Variants in SEMA5A observed in about 807,000 individuals in gnomAD.
SEMA5A encodes the protein semaphorin 5A.
Under a neutral mutation model 135.5 loss-of-function variants are expected in SEMA5A, and 55 were observed. The observed-to-expected ratio is 0.41, with a 90% CI of 0.33 to 0.51. The LOEUF (loss-of-function observed/expected upper bound fraction) is 0.51, where lower values mean the gene tolerates loss of function less well. SEMA5A is among the 20% of genes least tolerant of loss of function. SEMA5A has a pLI of 0.37. For synonymous variants in SEMA5A, 580 were observed against 546.5 expected (o/e 1.06, Z -0.85); for missense variants, 1,290 against 1,419.9 (o/e 0.91, Z 1.47).
intron 1 of SEMA5A, among the ~76,000 whole-genome samples, chr5:9,459,306 A>G (rs890004149): frequency 1.3e-5 from 2 of 152,234 alleles, no homozygotes; most frequent in African/African-American, 4.8e-5. Flanking sequence ...AATAGAACAC[A>G]GCAAAGATAA....
intron 13 of SEMA5A, among the ~76,000 whole-genome samples, chr5:9,131,098 A>AT (rs1214861466): frequency 6.6e-6 from 1 of 152,190 alleles, no homozygotes; most frequent in African/African-American, 2.4e-5. Flanking sequence ...TACATGATGT[A>AT]TAGCTCATTT....
rs2150015096 is a variant in SEMA5A, at chr5:9,039,462, G to A, written c.*3435C>T. 6.6e-6 allele frequency: 1 copy of A among 152,332 alleles called. No homozygotes were observed. Among genetic ancestry groups the A allele is most frequent in the African/African-American group, 2.4e-5 (1 of 41,576 alleles). 9.4% of individuals were successfully genotyped at this position (152,332 alleles called of 1,614,324 possible). A position where few individuals can be genotyped will look rare whatever the true frequency, so the allele number is the denominator to read the frequency against. ...AGGGATGCCCTCACCCTCATTCAATGTTTATCGTCTCTTTTCAATTCCTTT... is the reference window on the plus strand; with the variant it reads ...AGGGATGCCCTCACCCTCATTCAATATTTATCGTCTCTTTTCAATTCCTTT... On this transcript the variant is annotated 3_prime_UTR_variant, in exon 23 of 23. Coordinates refer to ENST00000382496, the MANE Select transcript of SEMA5A (RefSeq NM_003966.3).
At chr5:9,469,455 C>A (rs1046332889) in intron 1 of SEMA5A, among the ~76,000 whole-genome samples, 1 of 152,196 alleles carries the variant, frequency 6.6e-6, no homozygotes, top group Non-Finnish European at 1.5e-5. Context: ...TCCAAAATAG[C>A]CACCACCTTC....
At chr5:9,494,458 G>C (rs1735198769) in intron 1 of SEMA5A, among the ~76,000 whole-genome samples, 1 of 152,100 alleles carries the variant, frequency 6.6e-6, no homozygotes, top group Non-Finnish European at 1.5e-5. Flanking sequence ...GACACATATT[G>C]ATAATTATCG....
intron 11 of SEMA5A, among the ~76,000 whole-genome samples, chr5:9,188,308 G>A (rs974537083): frequency 3.9e-5 from 6 of 152,180 alleles, no homozygotes; most frequent in African/African-American, 7.2e-5. Flanking sequence ...ATAAATTTCC[G>A]TTGTTTAAGC....
At chr5:9,099,730 T>C (rs977511674) in intron 16 of SEMA5A, among the ~76,000 whole-genome samples, 3 of 152,216 alleles carry the variant, frequency 2.0e-5, no homozygotes, top group Non-Finnish European at 4.4e-5. Context: ...TCAGACTAGC[T>C]GAAGCCACCA....
chr5:9,123,341 T>C (rs1245355319), intron 13 of SEMA5A, among the ~76,000 whole-genome samples: 1 of 132,360 alleles, frequency 7.6e-6, no homozygotes, highest in Non-Finnish European at 1.6e-5. Flanking sequence ...AGGTGATTGC[T>C]GGAGATGGTG....
Position 9,500,471 on chromosome 5 carries a change from G to A in SEMA5A, c.-175+45113C>T, listed in dbSNP as rs146830713. Among the ~76,000 whole-genome samples the A allele has an allele frequency of 1.2e-3, 180 of 152,204 alleles. 1 individual carries two copies. In the East Asian group the frequency reaches 0.022, roughly 19 times the overall value. Reference sequence around the variant, plus strand: ...ACATGTGCATTTGTAATGAAAGTGCGTCTTGTAGTACCAGCAAGACACTCA... The same window carrying A: ...ACATGTGCATTTGTAATGAAAGTGCATCTTGTAGTACCAGCAAGACACTCA... On this transcript the variant is annotated intron_variant, in intron 1 of 22. Coordinates refer to ENST00000382496, the MANE Select transcript of SEMA5A (RefSeq NM_003966.3).
At chr5:9,163,369 C>T (rs907043385) in intron 11 of SEMA5A, among the ~76,000 whole-genome samples, 3 of 152,128 alleles carry the variant, frequency 2.0e-5, no homozygotes, top group African/African-American at 4.8e-5. Context: ...TGTAGACTCT[C>T]ATGTGCATAA....
intron 14 of SEMA5A, among the ~76,000 whole-genome samples, chr5:9,122,082 A>G (rs1474463247): frequency 6.6e-6 from 1 of 152,196 alleles, no homozygotes; most frequent in African/African-American, 2.4e-5. Flanking sequence ...TTATAGGTGC[A>G]GGGGATGGAG....
intron 6 of SEMA5A, among the ~76,000 whole-genome samples, chr5:9,231,937 A>T (rs1747653623): frequency 6.6e-6 from 1 of 152,188 alleles, no homozygotes; most frequent in Non-Finnish European, 1.5e-5. Context: ...CTACATTTTG[A>T]TCACAGCACT....
At chr5:9,441,926 T>C (rs1758253003) in intron 1 of SEMA5A, among the ~76,000 whole-genome samples, 1 of 152,178 alleles carries the variant, frequency 6.6e-6, no homozygotes, top group Non-Finnish European at 1.5e-5. Context: ...GCAGAGTCAC[T>C]GAAGGTTCAG....
chr5:9,273,486 G>A (rs2150546644), intron 5 of SEMA5A, among the ~76,000 whole-genome samples: 1 of 152,032 alleles, frequency 6.6e-6, no homozygotes, highest in East Asian at 1.9e-4. Flanking sequence ...GAAATACAGA[G>A]AACACCACAA....
At chr5:9,418,538 C>T (rs532418760) in intron 2 of SEMA5A, among the ~76,000 whole-genome samples, 1 of 152,196 alleles carries the variant, frequency 6.6e-6, no homozygotes, top group African/African-American at 2.4e-5. Context: ...TCAGCCCCCT[C>T]CCATGATGGT....
At chr5:9,263,252 C>T (rs1433321180) in intron 5 of SEMA5A, among the ~76,000 whole-genome samples, 1 of 152,168 alleles carries the variant, frequency 6.6e-6, no homozygotes, top group Non-Finnish European at 1.5e-5. Flanking sequence ...GGGTCCCCAA[C>T]ACCCAAGCCA....
chr5:9,274,416 G>C (rs1216424376), intron 5 of SEMA5A, among the ~76,000 whole-genome samples: 2 of 152,132 alleles, frequency 1.3e-5, no homozygotes, highest in African/African-American at 4.8e-5. Context: ...GTCAATATTA[G>C]ATCAATGAGA....
chr5:9,090,681 G>A (rs1738983016), intron 16 of SEMA5A, among the ~76,000 whole-genome samples: 1 of 152,194 alleles, frequency 6.6e-6, no homozygotes, highest in Non-Finnish European at 1.5e-5. Context: ...GCCAGGCACT[G>A]AGAATGTCCT....
intron 1 of SEMA5A, among the ~76,000 whole-genome samples, chr5:9,475,803 C>T (rs568462455): frequency 2.6e-5 from 4 of 152,254 alleles, no homozygotes; most frequent in African/African-American, 9.6e-5. Context: ...ATAAGTGCTC[C>T]ATTAATGTGA....
At chr5:9,100,497 C>A (rs16881976) in intron 16 of SEMA5A, among the ~76,000 whole-genome samples, 5 of 152,130 alleles carry the variant, frequency 3.3e-5, no homozygotes, top group African/African-American at 4.8e-5. Context: ...GACACACTCC[C>A]GAGAGGCATT....
Sources: allele counts gnomAD v4.1 joint callset (sites outside exome capture counted in the v4.1 genomes callset), GRCh38; gene constraint gnomAD v4.1.1; transcripts MANE v1.5; gene names NCBI Gene and HGNC (gene_info 2026-07-23, HGNC 2026-07-21).